TRERF1: variants seen among roughly 807,000 people sequenced by gnomAD.
TRERF1 encodes the protein transcriptional-regulating factor 1.
TRERF1 carries 27 observed loss-of-function variants against 122.9 expected under a neutral mutation model. The observed-to-expected ratio is 0.22, with a 90% CI of 0.16 to 0.30. The LOEUF (loss-of-function observed/expected upper bound fraction) is 0.30, where lower values mean the gene tolerates loss of function less well. Ranked by LOEUF, TRERF1 falls within the 10% of genes least tolerant of loss-of-function variation. The probability of loss-of-function intolerance (pLI) is 1.00; values close to 1 mark genes in which losing one functional copy is unlikely to be tolerated. For synonymous variants in TRERF1, 636 were observed against 641.7 expected (o/e 0.99, Z 0.13); for missense variants, 1,248 against 1,560.3 (o/e 0.80, Z 3.37).
At chr6:42,254,622 C>T (rs1430787613) in intron 13 of TRERF1, among the ~76,000 whole-genome samples, 1 of 152,132 alleles carries the variant, frequency 6.6e-6, no homozygotes, top group East Asian at 1.9e-4. Flanking sequence ...CAGGCACTGT[C>T]CACTGTCACC....
chr6:42,404,700 T>C (rs1227801602), intron 2 of TRERF1, among the ~76,000 whole-genome samples: 1 of 151,820 alleles, frequency 6.6e-6, no homozygotes, highest in Non-Finnish European at 1.5e-5. Flanking sequence ...GATCCTACCG[T>C]CTAACCGCTC....
chr6:42,402,411 G>A (rs1022883934), intron 2 of TRERF1, among the ~76,000 whole-genome samples: 5 of 152,108 alleles, frequency 3.3e-5, no homozygotes, highest in Non-Finnish European at 5.9e-5. Context: ...GAGAAACACC[G>A]GGTGCAGGGC....
intron 16 of TRERF1, among the ~76,000 whole-genome samples, chr6:42,235,848 C>T (rs1254780276): frequency 6.6e-6 from 1 of 152,144 alleles, no homozygotes; most frequent in Non-Finnish European, 1.5e-5. Context: ...CATTTAAATG[C>T]ATGTTGACAG....
chr6:42,264,209 T>A (rs1778738700), intron 7 of TRERF1, among the ~76,000 whole-genome samples: 1 of 152,224 alleles, frequency 6.6e-6, no homozygotes, highest in African/African-American at 2.4e-5. Flanking sequence ...TAGTTTACTA[T>A]CTGGATATCC....
intron 2 of TRERF1, among the ~76,000 whole-genome samples, chr6:42,448,339 G>A (rs1787899125): frequency 6.6e-6 from 1 of 152,096 alleles, no homozygotes; most frequent in Admixed American, 6.5e-5. Flanking sequence ...AATTATTTTT[G>A]GTACCTAGGA....
intron 2 of TRERF1, among the ~76,000 whole-genome samples, chr6:42,430,970 G>C (rs1234591977): frequency 2.0e-5 from 3 of 149,866 alleles, no homozygotes; most frequent in Non-Finnish European, 4.4e-5. Context: ...TGAGGCAGGA[G>C]AATGGCTTGA....
chr6:42,321,629 G>C (rs566568663), intron 3 of TRERF1, among the ~76,000 whole-genome samples: 5 of 152,204 alleles, frequency 3.3e-5, no homozygotes, highest in Non-Finnish European at 7.3e-5. Flanking sequence ...CATATACTGC[G>C]AGTGGTAGGA....
intron 2 of TRERF1, among the ~76,000 whole-genome samples, chr6:42,377,632 A>G (rs1775141656): frequency 6.6e-6 from 1 of 152,224 alleles, no homozygotes; most frequent in Admixed American, 6.5e-5. Context: ...CAGTATGAAC[A>G]TTTATAAATC....
chr6:42,299,139 T>TATCTATCTAC (rs1785658832), intron 4 of TRERF1, among the ~76,000 whole-genome samples: 1 of 114,058 alleles, frequency 8.8e-6, no homozygotes, highest in Non-Finnish European at 1.8e-5. Context: ...TCTATCTACA[T>TATCTATCTAC]ATATATATAT....
At chr6:42,311,904 G>C (rs533430040) in intron 3 of TRERF1, among the ~76,000 whole-genome samples, 39 of 152,106 alleles carry the variant, frequency 2.6e-4, no homozygotes, top group African/African-American at 9.2e-4. Flanking sequence ...TTCCAAGTAA[G>C]AGAGGGTGCT....
At chr6:42,243,604 G>T (rs866663568) in intron 14 of TRERF1, among the ~76,000 whole-genome samples, 1 of 149,212 alleles carries the variant, frequency 6.7e-6, no homozygotes, top group African/African-American at 2.5e-5. Context: ...TTTTTGAGAC[G>T]GAGTCTTGCT....
intron 2 of TRERF1, among the ~76,000 whole-genome samples, chr6:42,381,671 A>G (rs1001730508): frequency 2.0e-5 from 3 of 151,670 alleles, no homozygotes; most frequent in African/African-American, 4.8e-5. Context: ...TAAGAAGCCC[A>G]TCTCAGAGAG....
At chr6:42,418,462 G>T (rs1366181790) in intron 2 of TRERF1, among the ~76,000 whole-genome samples, 1 of 151,490 alleles carries the variant, frequency 6.6e-6, no homozygotes, top group Non-Finnish European at 1.5e-5. Flanking sequence ...GTAGACATGG[G>T]GTTTCACCAT....
intron 4 of TRERF1, among the ~76,000 whole-genome samples, chr6:42,297,750 G>A (rs1278438355): frequency 6.6e-6 from 1 of 152,088 alleles, no homozygotes; most frequent in Non-Finnish European, 1.5e-5. Flanking sequence ...ACCAGCAGAA[G>A]TTAACCAAAT....
At chr6:42,290,483 G>A (rs1018296700) in intron 4 of TRERF1, among the ~76,000 whole-genome samples, 1 of 152,048 alleles carries the variant, frequency 6.6e-6, no homozygotes, top group Non-Finnish European at 1.5e-5. Flanking sequence ...AATCATCCAA[G>A]TGTGTGAGCA....
At chr6:42,364,822 G>GA (rs1772424120) in intron 2 of TRERF1, among the ~76,000 whole-genome samples, 1 of 152,166 alleles carries the variant, frequency 6.6e-6, no homozygotes, top group Admixed American at 6.5e-5. Flanking sequence ...AAGGGGAGGA[G>GA]AAAAGAGAAG....
At chr6:42,271,651 A>G (rs1005976395) in intron 4 of TRERF1, among the ~76,000 whole-genome samples, 1 of 152,210 alleles carries the variant, frequency 6.6e-6, no homozygotes, top group Non-Finnish European at 1.5e-5. Flanking sequence ...TGCATTTTCA[A>G]TATAATTTAA....
At chr6:42,438,008 G>A (rs1785753639) in intron 2 of TRERF1, among the ~76,000 whole-genome samples, 1 of 151,656 alleles carries the variant, frequency 6.6e-6, no homozygotes. Flanking sequence ...TGCAATCTTC[G>A]CCTCCCAGGT....
chr6:42,344,293 G>A (rs776614169), intron 3 of TRERF1, among the ~76,000 whole-genome samples: 2 of 152,120 alleles, frequency 1.3e-5, no homozygotes, highest in African/African-American at 4.8e-5. Context: ...CAGTAGTAAC[G>A]GAAAGGCAGT....
Sources: allele counts gnomAD v4.1 joint callset (sites outside exome capture counted in the v4.1 genomes callset), GRCh38; gene constraint gnomAD v4.1.1; transcripts MANE v1.5; gene names NCBI Gene and HGNC (gene_info 2026-07-23, HGNC 2026-07-21).